The following TMEM45B variants were observed in gnomAD, a reference collection of about 807,000 sequenced individuals.
TMEM45B encodes the protein transmembrane protein 45B.
Under a neutral mutation model 27.3 loss-of-function variants are expected in TMEM45B, and 29 were observed. The observed-to-expected ratio is 1.06, with a 90% CI of 0.79 to 1.45. The LOEUF is 1.45. TMEM45B is among the 40% of genes most tolerant of loss of function. TMEM45B has a pLI of 0.00. For synonymous variants in TMEM45B, 143 were observed against 134.7 expected (o/e 1.06, Z -0.43); for missense variants, 348 against 343.9 (o/e 1.01, Z -0.09).
intron 5 of TMEM45B, among the ~76,000 whole-genome samples, chr11:129,858,009 TTA>T (rs1752679432): frequency 6.6e-6 from 1 of 152,152 alleles, no homozygotes; most frequent in Non-Finnish European, 1.5e-5. Flanking sequence ...CTTCACTGCT[TTA>T]TGAAGTATGC....
At chr11:129,842,226 G>T (rs1431790080) in intron 1 of TMEM45B, among the ~76,000 whole-genome samples, 6 of 152,176 alleles carry the variant, frequency 3.9e-5, no homozygotes, top group Non-Finnish European at 8.8e-5. Flanking sequence ...CGCAGAAAGG[G>T]AGAGAGAAAA....
intron 1 of TMEM45B, among the ~76,000 whole-genome samples, chr11:129,824,346 C>T (rs1947454558): frequency 1.3e-5 from 2 of 152,146 alleles, no homozygotes; most frequent in Non-Finnish European, 2.9e-5. Context: ...ATATATGCTA[C>T]CCCACAATAT....
At chr11:129,849,201 G>C (rs1407294401) in intron 1 of TMEM45B, among the ~76,000 whole-genome samples, 1 of 152,178 alleles carries the variant, frequency 6.6e-6, no homozygotes, top group Non-Finnish European at 1.5e-5. Flanking sequence ...ATTTCATCCT[G>C]AGGCAAATTT....
At chr11:129,836,267 G>C (rs908361108) in intron 1 of TMEM45B, among the ~76,000 whole-genome samples, 5 of 134,820 alleles carry the variant, frequency 3.7e-5, no homozygotes, top group Non-Finnish European at 6.3e-5. Context: ...ATAATTTCTT[G>C]TCTGGTCGTA....
At chr11:129,832,301 C>T (rs1418478775) in intron 1 of TMEM45B, among the ~76,000 whole-genome samples, 13 of 147,044 alleles carry the variant, frequency 8.8e-5, no homozygotes, top group Non-Finnish European at 1.8e-4. Context: ...ACCCAGGAGG[C>T]GGAGCTTGCA....
chr11:129,856,444 C>T (rs1310950378), intron 4 of TMEM45B, among the ~76,000 whole-genome samples: 11 of 151,424 alleles, frequency 7.3e-5, no homozygotes, highest in African/African-American at 2.4e-4. Flanking sequence ...CTCCTGAACT[C>T]GAGTGATCCG....
chr11:129,832,340 A>C (rs1947560094), intron 1 of TMEM45B, among the ~76,000 whole-genome samples: 1 of 152,214 alleles, frequency 6.6e-6, no homozygotes. Flanking sequence ...ACTGCACTCC[A>C]GCCTGGGCGA....
chr11:129,854,880 A>G (rs979503825), intron 3 of TMEM45B, 64 bp downstream of exon 3: 25 of 1,559,708 alleles, frequency 1.6e-5, no homozygotes, highest in Non-Finnish European at 2.1e-5. Context: ...GAAGGATCAG[A>G]GTACAAAATA....
At chr11:129,838,815 T>C (rs1440331770) in intron 1 of TMEM45B, among the ~76,000 whole-genome samples, 1 of 152,138 alleles carries the variant, frequency 6.6e-6, no homozygotes, top group Non-Finnish European at 1.5e-5. Context: ...AAATTCACTT[T>C]CCCCCTTTTT....
rs746902993 is a variant in TMEM45B at position 129,855,882 on chromosome 11, G to C, written c.560G>C (p.Trp187Ser). The change falls in exon 4 of 6, where the codon TGG becomes TCG. Residue 187 changes from tryptophan (W) to serine (S), a missense_variant. Transcript: ENST00000281441. ...RTSLIILQGT[W>S]FWQIGFVLFP... ...AGTCTCATCATTCTTCAGGGAACCT[G>C]GTTCTGGCAGGTGATTTTCCACACC... 5.0e-6 allele frequency: 8 copies of C among 1,613,956 alleles called. No homozygotes were observed. The highest frequency in any genetic ancestry group is 6.8e-6 in the Non-Finnish European group (8 of 1,179,988).
chr11:129,858,247 GC>G (rs1565376104), intron 5 of TMEM45B, among the ~76,000 whole-genome samples: 1 of 152,102 alleles, frequency 6.6e-6, no homozygotes, highest in African/African-American at 2.4e-5. Context: ...GGTGATTTTT[GC>G]CATTATTTCA....
At chr11:129,847,047 T>TATG (rs1947769466) in intron 1 of TMEM45B, among the ~76,000 whole-genome samples, 1 of 152,164 alleles carries the variant, frequency 6.6e-6, no homozygotes, top group Non-Finnish European at 1.5e-5. Context: ...ACTAATGATT[T>TATG]CAACAAACGA....
At chr11:129,815,972 C>G in intron 1 of TMEM45B, 74 bp downstream of exon 1, 12 of 1,257,244 alleles carry the variant, frequency 9.5e-6, no homozygotes, top group Non-Finnish European at 1.2e-5. Flanking sequence ...CGCCAAGGAG[C>G]GGGGCTGTGA....
At chr11:129,839,485 T>C (rs767217385) in intron 1 of TMEM45B, among the ~76,000 whole-genome samples, 18 of 152,126 alleles carry the variant, frequency 1.2e-4, no homozygotes, top group Non-Finnish European at 1.9e-4. Flanking sequence ...AAAAAGGAAA[T>C]ATATTGAAAT....
chr11:129,823,326 G>C (rs150260542), intron 1 of TMEM45B, among the ~76,000 whole-genome samples: 1 of 152,180 alleles, frequency 6.6e-6, no homozygotes, highest in Middle Eastern at 3.4e-3. Context: ...CAGATACTAC[G>C]TTTGATAGGA....
intron 1 of TMEM45B, among the ~76,000 whole-genome samples, chr11:129,830,486 A>G (rs1947535028): frequency 6.6e-6 from 1 of 152,202 alleles, no homozygotes; most frequent in African/African-American, 2.4e-5. Flanking sequence ...AAAACAGATA[A>G]ATTGGACTTC....
At chr11:129,841,850 G>A (rs111372891) in intron 1 of TMEM45B, among the ~76,000 whole-genome samples, 478 of 151,948 alleles carry the variant, frequency 3.1e-3, no homozygotes, top group African/African-American at 0.011. Context: ...CACCCGCCTC[G>A]GCCTCCCAAA....
chr11:129,845,271 A>ATGTG (rs10537485), intron 1 of TMEM45B, among the ~76,000 whole-genome samples: 2,674 of 140,134 alleles, frequency 0.019, 134 homozygotes, highest in African/African-American at 0.07. Flanking sequence ...GTGTGTGTGT[A>ATGTG]TGTGTGTGTG....
intron 4 of TMEM45B, 122 bp from the exon 5 acceptor site, chr11:129,857,191 C>T (rs1251366396): frequency 1.8e-5 from 22 of 1,189,242 alleles, no homozygotes; most frequent in East Asian, 4.7e-5. Context: ...TCTATGCTAA[C>T]GAAGTGTGGG....
Sources: gnomAD v4.1 joint callset for allele counts (sites outside exome capture counted in the v4.1 genomes callset) on GRCh38, gnomAD v4.1.1 for gene constraint, MANE v1.5 for transcripts, NCBI Gene and HGNC (gene_info 2026-07-23, HGNC 2026-07-21) for gene names.